PCDHGB4: variants seen among roughly 807,000 people sequenced by gnomAD.
The protein encoded by PCDHGB4 is protocadherin gamma-B4.
PCDHGB4 carries 38 observed loss-of-function variants against 60.5 expected under a neutral mutation model. The ratio of observed to expected loss-of-function variants is 0.63; its 90% CI spans 0.48 to 0.82. The LOEUF is 0.82. PCDHGB4 is among the 40% of genes least tolerant of loss of function. The pLI is 0.00. For missense variants in PCDHGB4, 1,109 were observed against 1,209.6 expected (o/e 0.92, Z 1.23); for synonymous variants, 456 against 509.7 (o/e 0.89, Z 1.42).
intron 1 of PCDHGB4, chr5:141,433,041 C>G (rs1171788078): frequency 6.2e-7 from 1 of 1,614,036 alleles, no homozygotes; most frequent in Non-Finnish European, 8.5e-7. Flanking sequence ...TCCCTCACCA[C>G]GGACTCGCGG....
intron 1 of PCDHGB4, among the ~76,000 whole-genome samples, chr5:141,463,861 A>G (rs1308802167): frequency 1.3e-5 from 2 of 152,340 alleles, no homozygotes; most frequent in East Asian, 1.9e-4. Context: ...ATCTGGTTTC[A>G]CATGACTGAA....
chr5:141,440,997 A>G (rs1191545127), intron 1 of PCDHGB4: 1 of 152,178 alleles, frequency 6.6e-6, no homozygotes, highest in East Asian at 1.9e-4. Context: ...ACCCATATCT[A>G]GTTTGGCCTT....
chr5:141,481,053 A>T (rs2099530801), intron 1 of PCDHGB4, among the ~76,000 whole-genome samples: 1 of 152,104 alleles, frequency 6.6e-6, no homozygotes, highest in Non-Finnish European at 1.5e-5. Flanking sequence ...GCGAGACTCC[A>T]CCTCAAAAAC....
chr5:141,423,597 G>C, intron 1 of PCDHGB4: 1 of 1,613,188 alleles, frequency 6.2e-7, no homozygotes, highest in Non-Finnish European at 8.5e-7. Context: ...AGAAAAGCGA[G>C]CCACTCTTGA....
Position 141,490,254 on chromosome 5 carries a change from G to A in PCDHGB4, c.2398-4553G>A. The A allele has an allele frequency of 6.2e-7, 1 of 1,614,236 alleles. No homozygotes were observed. Among genetic ancestry groups the A allele is most frequent in the Non-Finnish European group, 8.5e-7 (1 of 1,180,038 alleles). ...TGGAGGGCCACTGTGTGATTCAAGT[G>A]GATGTGGGGGATGTCAATGACAATG... On this transcript the variant is annotated intron_variant, in intron 1 of 3. Coordinates refer to ENST00000519479, the MANE Select transcript of PCDHGB4 (RefSeq NM_003736.4). The surrounding 1 kb of genome is among the most constrained non-coding windows in gnomAD (Gnocchi z 5.4).
chr5:141,428,029 C>G, intron 1 of PCDHGB4: 2 of 1,607,160 alleles, frequency 1.2e-6, no homozygotes, highest in Non-Finnish European at 1.7e-6. Flanking sequence ...GCCGCAGAGT[C>G]CGGCTACCTG....
intron 1 of PCDHGB4, chr5:141,411,845 G>C (rs984420523): frequency 6.6e-6 from 1 of 151,920 alleles, no homozygotes; most frequent in Non-Finnish European, 1.5e-5. Context: ...AGGTGACAGA[G>C]TGAGACCCTG....
chr5:141,413,636 T>G, intron 1 of PCDHGB4: 2 of 1,613,876 alleles, frequency 1.2e-6, no homozygotes, highest in South Asian at 2.2e-5. Context: ...GCTGCGGGAA[T>G]GCGTTTTCCT....
At position 141,490,208 on chromosome 5, in the gene PCDHGB4, G is replaced by A. The variant is rs745796427; in HGVS notation, c.2398-4599G>A. On this transcript the variant is annotated intron_variant, in intron 1 of 3. Coordinates refer to ENST00000519479, the MANE Select transcript of PCDHGB4 (RefSeq NM_003736.4). The surrounding 1 kb of genome is among the most constrained non-coding windows in gnomAD (Gnocchi z 5.4). ...TTCTATGAAATTCATGCAAGAGCCC[G>A]TGACCAGGGACAGCCTGCCATGGAG... 44 of 1,614,120 alleles carry A rather than the reference G, an allele frequency of 2.7e-5. No individual in the cohort carries two copies. The Admixed American group carries it at 4.5e-4, about 17-fold the overall frequency.
At chr5:141,393,167 G>C (rs889451396) in intron 1 of PCDHGB4, 17 of 1,613,166 alleles carry the variant, frequency 1.1e-5, no homozygotes, top group East Asian at 2.2e-5. Context: ...AACTCTTTGG[G>C]GTAGAAATAG....
intron 1 of PCDHGB4, chr5:141,399,545 C>T (rs978973236): frequency 6.2e-7 from 1 of 1,614,050 alleles, no homozygotes; most frequent in African/African-American, 1.3e-5. Flanking sequence ...GTCTGCGCCT[C>T]GGACCTGGAC....
intron 1 of PCDHGB4, among the ~76,000 whole-genome samples, chr5:141,451,329 A>G (rs991467686): frequency 2.6e-5 from 4 of 152,196 alleles, no homozygotes; most frequent in African/African-American, 9.6e-5. Context: ...ACCTAAGGCT[A>G]TTGTCTTATC....
chr5:141,511,077 T>C lies in PCDHGB4; in HGVS notation c.2676T>C (p.Asn892=), dbSNP rs1279500774. ...YRQNVYIPGS[N]ATLTNAAGKR... is the part of the protein sequence containing the mutation. ...AGAATGTCTACATCCCAGGCAGCAA[T>C]GCCACACTGACCAACGCAGCTGGCA... is the stretch of plus-strand genomic sequence containing the variant. Residue 892 remains asparagine, a synonymous_variant, in exon 4 of 4, where the codon AAT becomes AAC. Transcript: ENST00000519479. 5 of 1,614,062 alleles carry C rather than the reference T, an allele frequency of 3.1e-6. No individual in the cohort carries two copies. The African/African-American group carries it at 6.7e-5, about 22-fold the overall frequency.
At chr5:141,405,775 G>A (rs2094716657) in intron 1 of PCDHGB4, among the ~76,000 whole-genome samples, 1 of 152,002 alleles carries the variant, frequency 6.6e-6, no homozygotes, top group African/African-American at 2.4e-5. Flanking sequence ...ACTGCGCCTG[G>A]CCCTTAACTT....
intron 1 of PCDHGB4, among the ~76,000 whole-genome samples, chr5:141,473,759 C>G (rs989399714): frequency 3.3e-5 from 5 of 152,158 alleles, no homozygotes; most frequent in African/African-American, 1.2e-4. Flanking sequence ...GGATACTATG[C>G]AAAGGATTTG....
Position 141,431,180 on chromosome 5 carries a change from A to C in PCDHGB4, c.2397+40899A>C. The C allele has an allele frequency of 6.2e-7, 1 of 1,614,246 alleles. No homozygotes were observed. The highest frequency in any genetic ancestry group is 8.5e-7 in the Non-Finnish European group (1 of 1,180,044). On this transcript the variant is annotated intron_variant, in intron 1 of 3. Transcript: ENST00000519479. This position sits in a 1 kb window ranked among gnomAD's most constrained non-coding sequence, Gnocchi z 4.8. ...CTTTCGTGAAAGTGAATTAGAAATA[A>C]AAATTAGTGAAAATGCAGCCACTGA...
rs181495329 is a variant in PCDHGB4, at chr5:141,489,120, G to A, written c.2398-5687G>A. ...AACTGCTGCAAGCAGGCAAACCTCC[G>A]AGCAGTTTTTAAGAGGCTGGAAGGA... is the stretch of plus-strand genomic sequence containing the variant. On this transcript the variant is annotated intron_variant, in intron 1 of 3. Coordinates refer to ENST00000519479, the MANE Select transcript of PCDHGB4 (RefSeq NM_003736.4). This position sits in a 1 kb window ranked among gnomAD's most constrained non-coding sequence, Gnocchi z 4.5. 1.8e-5 allele frequency: 8 copies of A among 445,672 alleles called. No homozygotes were observed. The East Asian group carries it at 1.9e-4, about 11-fold the overall frequency. The allele number at this position is 445,672 out of a possible 1,614,324, so 27.6% of individuals were successfully genotyped here.
At position 141,486,720 on chromosome 5, in the gene PCDHGB4, C is replaced by G; in HGVS notation, c.2398-8087C>G. ...ATCTCTCTGAACCCCCAGACAGGAG[C>G]TGTTCATGCTACTCGATCCTTTGAC... On this transcript the variant is annotated intron_variant, in intron 1 of 3. Coordinates refer to ENST00000519479, the MANE Select transcript of PCDHGB4 (RefSeq NM_003736.4). This position sits in a 1 kb window ranked among gnomAD's most constrained non-coding sequence, Gnocchi z 5.0. The G allele has an allele frequency of 6.2e-7, 1 of 1,614,216 alleles. No homozygotes were observed. Among genetic ancestry groups the G allele is most frequent in the Non-Finnish European group, 8.5e-7 (1 of 1,180,038 alleles).
rs370190281 is a variant in PCDHGB4, at chr5:141,401,943, A to G, written c.2397+11662A>G. Among the ~76,000 whole-genome samples the G allele has an allele frequency of 3.9e-5, 6 of 152,312 alleles. No homozygotes were observed. In the South Asian group the frequency reaches 1.0e-3, roughly 26 times the overall value. On this transcript the variant is annotated intron_variant, in intron 1 of 3. Coordinates refer to ENST00000519479, the MANE Select transcript of PCDHGB4 (RefSeq NM_003736.4). ...AGTGATGCTTAGAATAATGTTTAAG[A>G]CCACTTTAAAATTGCATAATTTATT...
Sources: allele counts gnomAD v4.1 joint callset (sites outside exome capture counted in the v4.1 genomes callset), GRCh38; gene constraint gnomAD v4.1.1; non-coding constraint Gnocchi (gnomAD v3.1); transcripts MANE v1.5; gene names NCBI Gene and HGNC (gene_info 2026-07-23, HGNC 2026-07-21).